FRMD4A: variants seen among roughly 807,000 people sequenced by gnomAD.
FRMD4A encodes FERM domain containing 4A, also known as FERM domain-containing protein 4A.
A neutral mutation model predicts 129.1 loss-of-function variants in FRMD4A; 29 were observed. The observed-to-expected ratio is 0.22, with a 90% confidence interval of 0.17 to 0.31. FRMD4A has a LOEUF of 0.31. FRMD4A is among the 10% of genes least tolerant of loss of function. FRMD4A has a pLI of 1.00. For missense variants in FRMD4A, 1,272 were observed against 1,375.8 expected (o/e 0.92, Z 1.19); for synonymous variants, 634 against 571.6 (o/e 1.11, Z -1.56).
At chr10:14,110,491 T>C (rs953827660) in intron 2 of FRMD4A, among the ~76,000 whole-genome samples, 1 of 152,218 alleles carries the variant, frequency 6.6e-6, no homozygotes, top group Non-Finnish European at 1.5e-5. Context: ...TCTTTTATAA[T>C]TATTCAAGAT....
intron 2 of FRMD4A, among the ~76,000 whole-genome samples, chr10:14,273,081 C>CACACAT (rs963894092): frequency 1.3e-5 from 2 of 151,456 alleles, no homozygotes; most frequent in Non-Finnish European, 2.9e-5. Context: ...CACACACACA[C>CACACAT]ACACACACAT....
intron 2 of FRMD4A, among the ~76,000 whole-genome samples, chr10:14,299,937 C>T (rs1846130769): frequency 6.6e-6 from 1 of 152,026 alleles, no homozygotes; most frequent in African/African-American, 2.4e-5. Flanking sequence ...CTTGTTATAA[C>T]ATGAGGAAGC....
chr10:13,785,329 G>A (rs937204576), intron 5 of FRMD4A, among the ~76,000 whole-genome samples: 4 of 152,096 alleles, frequency 2.6e-5, no homozygotes, highest in Admixed American at 6.6e-5. Context: ...TTACGCAGTG[G>A]TCCTCATACT....
intron 2 of FRMD4A, among the ~76,000 whole-genome samples, chr10:14,090,753 C>T (rs1836613962): frequency 1.3e-5 from 2 of 152,076 alleles, no homozygotes; most frequent in Admixed American, 6.5e-5. Context: ...ATCTTTCTGC[C>T]GTGGATATAA....
intron 2 of FRMD4A, among the ~76,000 whole-genome samples, chr10:14,154,030 C>G (rs1327353149): frequency 1.3e-5 from 2 of 152,164 alleles, no homozygotes. Flanking sequence ...TGCTTGGCCT[C>G]TTAGCTCTTC....
In FRMD4A at chr10:13,699,231, T is replaced by TG. The variant is rs1211368930; in HGVS notation, c.975+2108_975+2109insC. On this transcript the variant is annotated intron_variant, in intron 14 of 24. Coordinates refer to ENST00000357447, the MANE Select transcript of FRMD4A (RefSeq NM_018027.5). Reference sequence around the variant, plus strand: ...CCACGATGCTTGGTTATTGTTTTTTTTTTTTTTTTTTTTTTTTGTATTTTT... The same window carrying TG: ...CCACGATGCTTGGTTATTGTTTTTTTGTTTTTTTTTTTTTTTTTGTATTTTT... Among the ~76,000 whole-genome samples the TG allele has an allele frequency of 5.6e-5, 7 of 125,286 alleles. No individual in the cohort carries two copies. The East Asian group carries it at 1.2e-3, about 22-fold the overall frequency. 82.2% of individuals were successfully genotyped at this position (125,286 alleles called of 152,430 possible).
intron 12 of FRMD4A, among the ~76,000 whole-genome samples, chr10:13,712,850 C>T (rs935405204): frequency 1.3e-5 from 2 of 152,244 alleles, no homozygotes; most frequent in African/African-American, 4.8e-5. Flanking sequence ...ACTCTAAGTA[C>T]TTAATGAGCA....
At chr10:13,750,502 C>T (rs1180121516) in intron 8 of FRMD4A, among the ~76,000 whole-genome samples, 4 of 152,156 alleles carry the variant, frequency 2.6e-5, no homozygotes, top group Admixed American at 6.5e-5. Flanking sequence ...ACAGCAGACA[C>T]GAAAGCTCAG....
chr10:14,111,898 T>C (rs1837923304), intron 2 of FRMD4A, among the ~76,000 whole-genome samples: 1 of 144,772 alleles, frequency 6.9e-6, no homozygotes, highest in Non-Finnish European at 1.5e-5. Context: ...CAGCTCCTAA[T>C]CCATTGTAGA....
intron 2 of FRMD4A, among the ~76,000 whole-genome samples, chr10:14,128,981 G>T (rs1839081564): frequency 6.6e-6 from 1 of 152,092 alleles, no homozygotes; most frequent in South Asian, 2.1e-4. Context: ...AACTATGTAT[G>T]ATGTGTTTTG....
intron 2 of FRMD4A, among the ~76,000 whole-genome samples, chr10:14,223,372 A>G (rs1464691634): frequency 6.6e-6 from 1 of 152,134 alleles, no homozygotes; most frequent in Non-Finnish European, 1.5e-5. Flanking sequence ...CTCTTGGAAG[A>G]GCTGCTCTCT....
At chr10:14,097,072 T>C (rs1330482877) in intron 2 of FRMD4A, 1 of 136,502 alleles carries the variant, frequency 7.3e-6, no homozygotes, top group South Asian at 2.2e-4. Flanking sequence ...GAAGCAGAGA[T>C]TGGAGATTGC....
intron 2 of FRMD4A, among the ~76,000 whole-genome samples, chr10:14,220,131 A>C (rs1269023704): frequency 6.6e-6 from 1 of 152,156 alleles, no homozygotes; most frequent in Non-Finnish European, 1.5e-5. Context: ...TCTAGTGATT[A>C]GCATCCATTT....
chr10:14,196,864 A>G (rs1340944751), intron 2 of FRMD4A, among the ~76,000 whole-genome samples: 2 of 152,198 alleles, frequency 1.3e-5, no homozygotes, highest in African/African-American at 4.8e-5. Context: ...GGTTTGGGCT[A>G]AACTTCTTAC....
intron 6 of FRMD4A, among the ~76,000 whole-genome samples, chr10:13,772,255 C>A (rs1472183290): frequency 6.9e-6 from 1 of 144,194 alleles, no homozygotes; most frequent in Non-Finnish European, 1.5e-5. Flanking sequence ...CATAGCTAAT[C>A]CCTTTGGGCA....
At chr10:13,746,420 G>A (rs1314966723) in intron 9 of FRMD4A, among the ~76,000 whole-genome samples, 3 of 151,942 alleles carry the variant, frequency 2.0e-5, no homozygotes, top group South Asian at 2.1e-4. Context: ...TCATCATGTT[G>A]GCCAGGATGG....
At chr10:13,883,137 T>C (rs747598966) in intron 2 of FRMD4A, among the ~76,000 whole-genome samples, 2 of 152,104 alleles carry the variant, frequency 1.3e-5, no homozygotes, top group Non-Finnish European at 2.9e-5. Flanking sequence ...GTTTTGTCAG[T>C]TCTCTAGGAG....
At chr10:14,203,766 G>T (rs1200045547) in intron 2 of FRMD4A, among the ~76,000 whole-genome samples, 3 of 152,174 alleles carry the variant, frequency 2.0e-5, no homozygotes, top group South Asian at 2.1e-4. Flanking sequence ...TAATGGGAAT[G>T]CTCTATCCTG....
At chr10:14,233,982 C>T (rs1843717091) in intron 2 of FRMD4A, among the ~76,000 whole-genome samples, 1 of 152,198 alleles carries the variant, frequency 6.6e-6, no homozygotes, top group Non-Finnish European at 1.5e-5. Context: ...ATTTAAATAT[C>T]TCTTCCTTTC....
Sources: gnomAD v4.1 joint callset for allele counts (sites outside exome capture counted in the v4.1 genomes callset) on GRCh38, gnomAD v4.1.1 for gene constraint, MANE v1.5 for transcripts, NCBI Gene and HGNC (gene_info 2026-07-23, HGNC 2026-07-21) for gene names.